The following USP42 variants were observed in gnomAD, a reference collection of about 807,000 sequenced individuals.
The protein encoded by USP42 is ubiquitin specific peptidase 42.
Under a neutral mutation model 113.0 loss-of-function variants are expected in USP42, and 23 were observed. The observed-to-expected ratio is 0.20, with a 90% CI of 0.15 to 0.29. The LOEUF is 0.29. USP42 is among the 10% of genes least tolerant of loss of function. The pLI, the probability that USP42 is intolerant of heterozygous loss-of-function variation, is 1.00. For missense variants in USP42, 2,174 were observed against 1,779.8 expected (o/e 1.22, Z -3.99); for synonymous variants, 933 against 699.0 (o/e 1.33, Z -5.28).
At chr7:6,134,671 G>A (rs534754421) in intron 3 of USP42, among the ~76,000 whole-genome samples, 92 of 152,234 alleles carry the variant, frequency 6.0e-4, no homozygotes, top group South Asian at 1.2e-3. Context: ...CTTAGCATGC[G>A]CTAAGAATGA....
intron 3 of USP42, among the ~76,000 whole-genome samples, chr7:6,129,038 C>A (rs1780696558): frequency 6.6e-6 from 1 of 152,122 alleles, no homozygotes; most frequent in Admixed American, 6.6e-5. Flanking sequence ...TCTCAAACTC[C>A]TGGGCTCAGG....
rs1186632279 is a variant in USP42, at chr7:6,140,779, CT to C, written c.725-128del. ...TATTATGAGTAGTATTAATTTAAAACTTTTTTTGTTCAATTGATAGAAAAAT... is the reference window on the plus strand; with the variant it reads ...TATTATGAGTAGTATTAATTTAAAACTTTTTTGTTCAATTGATAGAAAAAT... On this transcript the variant is annotated intron_variant, in intron 6 of 17. Coordinates refer to ENST00000306177, the MANE Select transcript of USP42 (RefSeq NM_032172.3). 14 of 590,942 alleles carry C rather than the reference CT, an allele frequency of 2.4e-5. 1 individual carries two copies. Among genetic ancestry groups the C allele is most frequent in the Middle Eastern group, 4.4e-4 (1 of 2,270 alleles). 36.6% of individuals were successfully genotyped at this position (590,942 alleles called of 1,614,324 possible).
rs556893358 is a variant in USP42 at position 6,148,003 on chromosome 7, T to G, written c.1386+111T>G. On this transcript the variant is annotated intron_variant, in intron 12 of 17. Transcript: ENST00000306177. Reference sequence around the variant, plus strand: ...GTGTCCTCAAATACATCTGAATTTCTTCTCACAGTTTAATCAAACCCTCTT... The same window carrying G: ...GTGTCCTCAAATACATCTGAATTTCGTCTCACAGTTTAATCAAACCCTCTT... 6.3e-5 allele frequency: 74 copies of G among 1,171,410 alleles called. No individual in the cohort carries two copies. In the South Asian group the frequency reaches 1.1e-3, roughly 17 times the overall value. 72.6% of individuals were successfully genotyped at this position (1,171,410 alleles called of 1,614,324 possible). A position where few individuals can be genotyped will look rare whatever the true frequency, so the allele number is the denominator to read the frequency against.
chr7:6,124,697 A>C (rs1780427426), intron 3 of USP42, among the ~76,000 whole-genome samples: 1 of 152,124 alleles, frequency 6.6e-6, no homozygotes, highest in South Asian at 2.1e-4. Context: ...GTTTAAATCT[A>C]CCATCTTGCT....
intron 2 of USP42, 86 bp from the exon 3 acceptor site, chr7:6,115,237 A>C: frequency 7.5e-7 from 1 of 1,335,804 alleles, no homozygotes; most frequent in Non-Finnish European, 1.1e-6. Flanking sequence ...GATCTTGTAA[A>C]GATTGAGGTT....
At position 6,158,727 on chromosome 7, in the gene USP42, A is replaced by T. The variant is rs184083812; in HGVS notation, c.3944-723A>T. Among the ~76,000 whole-genome samples, 17 of 152,256 alleles carry T rather than the reference A, an allele frequency of 1.1e-4. No homozygotes were observed. Among genetic ancestry groups the T allele is most frequent in the Non-Finnish European group, 2.2e-4 (15 of 68,022 alleles). On this transcript the variant is annotated intron_variant, in intron 16 of 17. Coordinates refer to ENST00000306177, the MANE Select transcript of USP42 (RefSeq NM_032172.3). The surrounding 1 kb of genome is among the most constrained non-coding windows in gnomAD (Gnocchi z 4.2). Reference sequence around the variant, plus strand: ...TGGTTTTGCGTTCCCATTTCAGCGAATCGGGGAAGGAGATTCGTGAGGGCT... The same window carrying T: ...TGGTTTTGCGTTCCCATTTCAGCGATTCGGGGAAGGAGATTCGTGAGGGCT...
chr7:6,087,588 C>T, the USP42 span, among the ~76,000 whole-genome samples: 2 of 149,890 alleles, frequency 1.3e-5, no homozygotes, highest in Non-Finnish European at 2.9e-5. Context: ...CCACCCGCTT[C>T]GGCCTCCCAA....
chr7:6,103,516 C>CA (rs200050634), upstream of USP42, among the ~76,000 whole-genome samples: 40,041 of 135,652 alleles, frequency 0.3, 6,832 homozygotes, highest in East Asian at 0.75. Context: ...AACTCCGTCT[C>CA]AAAAAAAAAA....
chr7:6,082,955 A>T, the USP42 span, among the ~76,000 whole-genome samples: 1 of 146,194 alleles, frequency 6.8e-6, no homozygotes, highest in African/African-American at 2.6e-5. Flanking sequence ...ATATATATTT[A>T]TTTATTTTAA....
At chr7:6,131,497 C>T (rs1376650447) in intron 3 of USP42, among the ~76,000 whole-genome samples, 1 of 152,006 alleles carries the variant, frequency 6.6e-6, no homozygotes, top group Non-Finnish European at 1.5e-5. Flanking sequence ...CAAACAAAAA[C>T]AAACATCATA....
At chr7:6,081,433 C>T in the USP42 span, among the ~76,000 whole-genome samples, 1 of 152,302 alleles carries the variant, frequency 6.6e-6, no homozygotes, top group South Asian at 2.1e-4. Context: ...CGCTCGCGGG[C>T]CCCAGAACTC....
chr7:6,152,505 G>A (rs1000470599), intron 14 of USP42, among the ~76,000 whole-genome samples: 5 of 152,258 alleles, frequency 3.3e-5, no homozygotes, highest in African/African-American at 4.8e-5. Flanking sequence ...GGCCCCCGGC[G>A]GGTGGGAGTG....
intron 14 of USP42, 74 bp from the exon 15 acceptor site, chr7:6,153,682 T>G: frequency 7.2e-7 from 1 of 1,393,006 alleles, no homozygotes; most frequent in Non-Finnish European, 9.4e-7. Context: ...TTGAAGTATT[T>G]GTCCTTGTAA....
At chr7:6,127,439 G>C (rs774841261) in intron 3 of USP42, among the ~76,000 whole-genome samples, 1 of 150,890 alleles carries the variant, frequency 6.6e-6, no homozygotes, top group Non-Finnish European at 1.5e-5. Context: ...ATTTAAGTCT[G>C]TGATCCATTT....
rs1302832582 is a variant in USP42 at position 6,146,053 on chromosome 7, C to G, written c.1132-95C>G. On this transcript the variant is annotated intron_variant, in intron 10 of 17. Coordinates refer to ENST00000306177, the MANE Select transcript of USP42 (RefSeq NM_032172.3). Reference sequence around the variant, plus strand: ...CTCCAGCCTGGGTGACAGAGTGAGACTCCATCTCAAAAAAAAAGAAAGAAA... The same window carrying G: ...CTCCAGCCTGGGTGACAGAGTGAGAGTCCATCTCAAAAAAAAAGAAAGAAA... 3.1e-6 allele frequency: 3 copies of G among 970,194 alleles called. No individual in the cohort carries two copies. The East Asian group carries it at 8.0e-5, about 26-fold the overall frequency. The allele number at this position is 970,194 out of a possible 1,614,324, so 60.1% of individuals were successfully genotyped here.
At chr7:6,096,337 A>G in the USP42 span, among the ~76,000 whole-genome samples, 2 of 151,144 alleles carry the variant, frequency 1.3e-5, no homozygotes, top group South Asian at 4.1e-4. Flanking sequence ...AGTCTCCCCA[A>G]GGGAAAGTGA....
the USP42 span, among the ~76,000 whole-genome samples, chr7:6,087,172 C>T: frequency 6.7e-6 from 1 of 149,838 alleles, no homozygotes; most frequent in Non-Finnish European, 1.5e-5. Flanking sequence ...GCTGGGATAA[C>T]AGGGGTGTGC....
chr7:6,105,901 G>C (rs565433063), intron 1 of USP42, among the ~76,000 whole-genome samples: 96 of 152,262 alleles, frequency 6.3e-4, no homozygotes, highest in Non-Finnish European at 1.3e-3. Context: ...TTGTTTATGG[G>C]AAAACATGTT....
chr7:6,088,429 TA>T, the USP42 span, among the ~76,000 whole-genome samples: 1 of 150,950 alleles, frequency 6.6e-6, no homozygotes, highest in Non-Finnish European at 1.5e-5. Context: ...CTAATTTTTA[TA>T]TATTTTTAGT....
Sources: allele counts gnomAD v4.1 joint callset (sites outside exome capture counted in the v4.1 genomes callset), GRCh38; gene constraint gnomAD v4.1.1; non-coding constraint Gnocchi (gnomAD v3.1); transcripts MANE v1.5; gene names NCBI Gene and HGNC (gene_info 2026-07-23, HGNC 2026-07-21).